The following DPP10 variants were observed in gnomAD, a reference collection of about 807,000 sequenced individuals.
DPP10 encodes inactive dipeptidyl peptidase 10.
Under a neutral mutation model 120.9 loss-of-function variants are expected in DPP10, and 33 were observed. The ratio of observed to expected loss-of-function variants is 0.27; its 90% CI spans 0.21 to 0.37. DPP10 has a LOEUF of 0.37. DPP10 is among the 10% of genes least tolerant of loss of function. The pLI, the probability that DPP10 is intolerant of heterozygous loss-of-function variation, is 1.00. For missense variants in DPP10, 816 were observed against 942.8 expected (o/e 0.87, Z 1.76); for synonymous variants, 337 against 326.1 (o/e 1.03, Z -0.36).
In DPP10 at chr2:115,394,410, C is replaced by CT. The variant is rs1450639663; in HGVS notation, c.271+50506dup. 5.0e-5 allele frequency among the ~76,000 whole-genome samples: 7 copies of CT among 139,232 alleles called. No individual in the cohort carries two copies. The East Asian group carries it at 8.5e-4, about 17-fold the overall frequency. 91.3% of individuals were successfully genotyped at this position (139,232 alleles called of 152,430 possible). A position where few individuals can be genotyped will look rare whatever the true frequency, so the allele number is the denominator to read the frequency against. On this transcript the variant is annotated intron_variant, in intron 3 of 25. Transcript: ENST00000410059. ...TGAGAATGTGAGAGATGTTAAAATT[C>CT]TTTTTTTTAATTAGAAAATCACATT...
intron 5 of DPP10, among the ~76,000 whole-genome samples, chr2:115,547,435 T>C (rs960136123): frequency 6.6e-6 from 1 of 152,176 alleles, no homozygotes; most frequent in Non-Finnish European, 1.5e-5. Context: ...CATTTTGCAA[T>C]TTTAAAGTTT....
chr2:115,000,323 A>T (rs572356213), intron 1 of DPP10, among the ~76,000 whole-genome samples: 22 of 152,174 alleles, frequency 1.4e-4, no homozygotes, highest in Non-Finnish European at 2.8e-4. Flanking sequence ...AAACACGCAT[A>T]AAAAATTGGG....
intron 3 of DPP10, among the ~76,000 whole-genome samples, chr2:115,403,096 G>T (rs2068226627): frequency 6.6e-6 from 1 of 151,154 alleles, no homozygotes; most frequent in South Asian, 2.1e-4. Context: ...TTCTTAGGAT[G>T]CAAAGATGGT....
intron 1 of DPP10, among the ~76,000 whole-genome samples, chr2:114,456,292 G>T (rs540292453): frequency 1.1e-4 from 17 of 152,140 alleles, no homozygotes; most frequent in Non-Finnish European, 2.2e-4. Flanking sequence ...GATAGCTTAG[G>T]GTCTGGGAGA....
intron 5 of DPP10, among the ~76,000 whole-genome samples, chr2:115,642,573 C>A (rs1052966639): frequency 6.6e-6 from 1 of 151,908 alleles, no homozygotes; most frequent in African/African-American, 2.4e-5. Context: ...ATTTCCCAAT[C>A]TTCCTCTCTC....
chr2:115,775,742 A>G (rs1475863054), intron 13 of DPP10, among the ~76,000 whole-genome samples: 1 of 152,168 alleles, frequency 6.6e-6, no homozygotes, highest in Non-Finnish European at 1.5e-5. Flanking sequence ...AGACAGTATA[A>G]GAAAGCTTAA....
intron 1 of DPP10, among the ~76,000 whole-genome samples, chr2:115,220,025 C>T (rs1465042818): frequency 1.3e-5 from 2 of 152,170 alleles, no homozygotes; most frequent in African/African-American, 4.8e-5. Flanking sequence ...TTACTGAACA[C>T]TTACTGTGAT....
intron 5 of DPP10, among the ~76,000 whole-genome samples, chr2:115,533,966 G>A (rs1486885918): frequency 6.6e-6 from 1 of 151,984 alleles, no homozygotes; most frequent in African/African-American, 2.4e-5. Flanking sequence ...TCCCTAGGAG[G>A]TGGACAAAAA....
intron 2 of DPP10, among the ~76,000 whole-genome samples, chr2:115,325,056 GA>G (rs1276323090): frequency 2.0e-5 from 3 of 151,906 alleles, no homozygotes; most frequent in African/African-American, 4.8e-5. Context: ...CCTGATCACA[GA>G]TCACCGTAAC....
chr2:114,870,205 T>C (rs1301915194), intron 1 of DPP10, among the ~76,000 whole-genome samples: 1 of 152,206 alleles, frequency 6.6e-6, no homozygotes, highest in Non-Finnish European at 1.5e-5. Context: ...CTATGCCTTA[T>C]TGAGTTTGTG....
intron 1 of DPP10, among the ~76,000 whole-genome samples, chr2:114,607,558 G>T (rs1692920482): frequency 6.6e-6 from 1 of 152,114 alleles, no homozygotes; most frequent in Non-Finnish European, 1.5e-5. Context: ...CTTGTTCACT[G>T]GATATGTGAG....
At chr2:115,352,325 T>C (rs368042383) in intron 3 of DPP10, among the ~76,000 whole-genome samples, 4 of 152,300 alleles carry the variant, frequency 2.6e-5, no homozygotes, top group East Asian at 3.9e-4. Flanking sequence ...CAAGCATTTA[T>C]TGAGCTTCAT....
intron 3 of DPP10, among the ~76,000 whole-genome samples, chr2:115,448,731 A>G (rs1339599796): frequency 1.3e-5 from 2 of 152,174 alleles, no homozygotes; most frequent in Non-Finnish European, 2.9e-5. Flanking sequence ...AGAAGTGCTC[A>G]TGAAAATGCA....
chr2:115,084,072 T>C (rs923922627), intron 1 of DPP10, among the ~76,000 whole-genome samples: 1 of 152,186 alleles, frequency 6.6e-6, no homozygotes, highest in African/African-American at 2.4e-5. Context: ...GTCAAACCTA[T>C]ATGACATCCT....
intron 1 of DPP10, among the ~76,000 whole-genome samples, chr2:114,778,192 A>C (rs1252026215): frequency 6.6e-6 from 1 of 152,118 alleles, no homozygotes; most frequent in African/African-American, 2.4e-5. Context: ...TTTAAGCAAT[A>C]TTAAGGGATG....
At position 114,507,050 on chromosome 2, in the gene DPP10, CT is replaced by C. The variant is rs1227607834; in HGVS notation, c.60+64227del. Among the ~76,000 whole-genome samples, 747 of 124,690 alleles carry C rather than the reference CT, an allele frequency of 6.0e-3. 2 individuals carry two copies. Among genetic ancestry groups the C allele is most frequent in the African/African-American group, 0.016 (514 of 31,706 alleles). The allele number at this position is 124,690 out of a possible 152,430, so 81.8% of individuals were successfully genotyped here. ...AGTTTTCTTTTTTTTCTTTTTTTTT[CT>C]TTTTTTTTTTTTTTGAGACAGGGTC... On this transcript the variant is annotated intron_variant, in intron 1 of 25. Coordinates refer to ENST00000410059, the MANE Select transcript of DPP10 (RefSeq NM_020868.6).
At chr2:115,067,400 C>G (rs1253175897) in intron 1 of DPP10, among the ~76,000 whole-genome samples, 1 of 151,274 alleles carries the variant, frequency 6.6e-6, no homozygotes, top group Non-Finnish European at 1.5e-5. Context: ...TACAGGCGCC[C>G]GCCACCACGC....
At chr2:114,598,004 A>ACAT (rs1692067496) in intron 1 of DPP10, among the ~76,000 whole-genome samples, 2 of 151,966 alleles carry the variant, frequency 1.3e-5, no homozygotes, top group Non-Finnish European at 2.9e-5. Context: ...GTTTTAAGGG[A>ACAT]GACATGTTCT....
intron 3 of DPP10, among the ~76,000 whole-genome samples, chr2:115,426,765 C>A (rs1212780686): frequency 6.6e-6 from 1 of 152,202 alleles, no homozygotes; most frequent in Non-Finnish European, 1.5e-5. Context: ...CCTTGGCCCC[C>A]ACAAAATTCT....
Sources: gnomAD v4.1 joint callset for allele counts (sites outside exome capture counted in the v4.1 genomes callset) on GRCh38, gnomAD v4.1.1 for gene constraint, MANE v1.5 for transcripts, NCBI Gene and HGNC (gene_info 2026-07-23, HGNC 2026-07-21) for gene names.